LRP1B: variants seen among roughly 807,000 people sequenced by gnomAD.
LRP1B encodes LDL receptor related protein 1B, also known as low-density lipoprotein receptor-related protein 1B.
In LRP1B, 217 loss-of-function variants were observed where a neutral mutation model predicts 556.6. The observed-to-expected ratio is 0.39, with a 90% CI of 0.35 to 0.44. The LOEUF (loss-of-function observed/expected upper bound fraction) is 0.44. Among genes scored for constraint, LRP1B ranks in the 20% least tolerant of loss-of-function variants. The pLI is 1.00. For synonymous variants in LRP1B, 2,047 were observed against 1,865.8 expected, an observed-to-expected ratio of 1.10 and a Z score of -2.50; for missense variants, 5,053 against 5,620.8, an observed-to-expected ratio of 0.90 and a Z score of 3.23.
chr2:140,481,511 A>G (rs527845938), intron 59 of LRP1B, among the ~76,000 whole-genome samples: 8 of 151,554 alleles, frequency 5.3e-5, no homozygotes, highest in African/African-American at 1.9e-4. Flanking sequence ...TAAACAGTAC[A>G]TGCATCTGAA....
At chr2:141,893,685 C>G (rs1249008023) in intron 1 of LRP1B, among the ~76,000 whole-genome samples, 1 of 152,102 alleles carries the variant, frequency 6.6e-6, no homozygotes, top group Non-Finnish European at 1.5e-5. Context: ...TTCCACGGGA[C>G]AAAAATCTTT....
intron 53 of LRP1B, among the ~76,000 whole-genome samples, chr2:140,505,142 T>C (rs1468039587): frequency 6.6e-6 from 1 of 152,228 alleles, no homozygotes; most frequent in Non-Finnish European, 1.5e-5. Flanking sequence ...GAATTTACTG[T>C]TCCTGAAACT....
chr2:141,245,031 T>A (rs922024580), intron 5 of LRP1B, among the ~76,000 whole-genome samples: 4 of 152,172 alleles, frequency 2.6e-5, no homozygotes, highest in African/African-American at 9.7e-5. Flanking sequence ...ATAACCTACC[T>A]ATGTAGAAAA....
intron 2 of LRP1B, among the ~76,000 whole-genome samples, chr2:141,576,564 T>A (rs1842934): frequency 0.24 from 36,486 of 151,710 alleles, 5,083 homozygotes; most frequent in East Asian, 0.47. Flanking sequence ...GTATCCCTCT[T>A]TTTTTTTAGA....
At chr2:140,718,470 A>G (rs1687287588) in intron 35 of LRP1B, among the ~76,000 whole-genome samples, 3 of 151,928 alleles carry the variant, frequency 2.0e-5, no homozygotes, top group Admixed American at 2.0e-4. Context: ...AATAACCACT[A>G]TTGCCTGAAG....
At chr2:141,603,434 G>A (rs1687818695) in intron 2 of LRP1B, among the ~76,000 whole-genome samples, 1 of 152,114 alleles carries the variant, frequency 6.6e-6, no homozygotes, top group Non-Finnish European at 1.5e-5. Flanking sequence ...GGAGATTTAT[G>A]TTCTTGGGGC....
At chr2:142,106,911 T>A (rs1345608232) in intron 1 of LRP1B, among the ~76,000 whole-genome samples, 1 of 152,130 alleles carries the variant, frequency 6.6e-6, no homozygotes, top group Non-Finnish European at 1.5e-5. Context: ...AAATAATTAA[T>A]GGGACAAATA....
intron 2 of LRP1B, among the ~76,000 whole-genome samples, chr2:141,528,173 A>G (rs1013774477): frequency 2.6e-5 from 4 of 151,698 alleles, no homozygotes. Flanking sequence ...GAAACATCCA[A>G]GTGTGTTCGT....
chr2:142,112,303 T>A (rs1424946004), intron 1 of LRP1B, among the ~76,000 whole-genome samples: 3 of 152,008 alleles, frequency 2.0e-5, no homozygotes, highest in African/African-American at 7.2e-5. Flanking sequence ...AGTGACGGAA[T>A]CATTTCAAAA....
chr2:140,256,549 A>G (rs1200645798), intron 86 of LRP1B, among the ~76,000 whole-genome samples: 2 of 124,818 alleles, frequency 1.6e-5, no homozygotes. Flanking sequence ...GCTCACTGCA[A>G]CCTCTGCCTC....
chr2:141,047,717 G>C (rs79690947), intron 11 of LRP1B, among the ~76,000 whole-genome samples: 12,331 of 151,846 alleles, frequency 0.081, 836 homozygotes, highest in East Asian at 0.22. Context: ...CGACTCTCTT[G>C]TGCCATTATT....
At chr2:141,053,572 T>G (rs961888197) in intron 10 of LRP1B, among the ~76,000 whole-genome samples, 1 of 151,932 alleles carries the variant, frequency 6.6e-6, no homozygotes, top group Non-Finnish European at 1.5e-5. Context: ...TTCAGCCAGG[T>G]TGGTTTAATG....
At chr2:140,711,098 G>A (rs529828177) in intron 37 of LRP1B, among the ~76,000 whole-genome samples, 41 of 152,104 alleles carry the variant, frequency 2.7e-4, no homozygotes, top group African/African-American at 8.9e-4. Flanking sequence ...TAGAGAAGTC[G>A]TTTTAAGGAA....
At chr2:140,984,790 G>A (rs951372383) in intron 17 of LRP1B, among the ~76,000 whole-genome samples, 1 of 152,036 alleles carries the variant, frequency 6.6e-6, no homozygotes, top group Non-Finnish European at 1.5e-5. Context: ...TTCATTGTCT[G>A]TTCTAATCAT....
chr2:140,533,930 T>C, intron 47 of LRP1B, 91 bp downstream of exon 47: 9 of 1,402,586 alleles, frequency 6.4e-6, no homozygotes, highest in Non-Finnish European at 8.9e-6. Flanking sequence ...CTAGGTGTTA[T>C]ATGCCACAGA....
intron 66 of LRP1B, among the ~76,000 whole-genome samples, chr2:140,441,498 A>G (rs193252805): frequency 6.6e-6 from 1 of 152,314 alleles, no homozygotes; most frequent in Admixed American, 6.5e-5. Context: ...CCCAATTATA[A>G]TAAGATAGTA....
At chr2:141,496,393 G>A (rs1429045772) in intron 2 of LRP1B, among the ~76,000 whole-genome samples, 1 of 151,978 alleles carries the variant, frequency 6.6e-6, no homozygotes, top group East Asian at 1.9e-4. Context: ...GAGGTTCCCA[G>A]GCAATGTCGG....
intron 3 of LRP1B, among the ~76,000 whole-genome samples, chr2:141,293,890 A>C (rs1686078805): frequency 6.6e-6 from 1 of 152,272 alleles, no homozygotes; most frequent in South Asian, 2.1e-4. Context: ...ATTAACGTTC[A>C]AAAATAGAAC....
chr2:140,421,060 A>T (rs960030013), intron 66 of LRP1B, among the ~76,000 whole-genome samples: 1 of 152,204 alleles, frequency 6.6e-6, no homozygotes, highest in East Asian at 1.9e-4. Flanking sequence ...ATTCAAGACC[A>T]GCCTGGCCAA....
Sources: allele counts gnomAD v4.1 joint callset (sites outside exome capture counted in the v4.1 genomes callset), GRCh38; gene constraint gnomAD v4.1.1; transcripts MANE v1.5; gene names NCBI Gene and HGNC (gene_info 2026-07-23, HGNC 2026-07-21).